Variants in KCNG3 observed in about 807,000 individuals in gnomAD.
KCNG3 encodes the protein potassium voltage-gated channel modifier subfamily G member 3, also known as voltage-gated potassium channel regulatory subunit KCNG3.
In KCNG3, 15 loss-of-function variants were observed where a neutral mutation model predicts 29.0. That is an observed-to-expected ratio of 0.52 (90% confidence interval 0.35 to 0.80). The LOEUF (loss-of-function observed/expected upper bound fraction) is 0.80. KCNG3 is among the 30% of genes least tolerant of loss of function. The pLI, the probability that KCNG3 is intolerant of heterozygous loss-of-function variation, is 0.01. For missense variants in KCNG3, 512 were observed against 605.7 expected (o/e 0.85, Z 1.62); for synonymous variants, 322 against 248.9 (o/e 1.29, Z -2.76).
At chr2:42,452,938 T>C (rs1672799100) in intron 1 of KCNG3, among the ~76,000 whole-genome samples, 1 of 152,124 alleles carries the variant, frequency 6.6e-6, no homozygotes, top group Non-Finnish European at 1.5e-5. Flanking sequence ...CATGCTACCA[T>C]GCCGGGGTAA....
chr2:42,395,585 A>T, the KCNG3 span, among the ~76,000 whole-genome samples: 4 of 152,190 alleles, frequency 2.6e-5, no homozygotes, highest in Non-Finnish European at 4.4e-5. Context: ...TTGTATGCAT[A>T]AGCACTGGTG....
At position 42,493,574 on chromosome 2, in the gene KCNG3, C is replaced by T; in HGVS notation, c.-73G>A. The T allele has an allele frequency of 1.6e-6, 2 of 1,239,882 alleles. No individual in the cohort carries two copies. The highest frequency in any genetic ancestry group is 2.0e-6 in the Non-Finnish European group (2 of 989,948). 76.8% of individuals were successfully genotyped at this position (1,239,882 alleles called of 1,614,324 possible). A position where few individuals can be genotyped will look rare whatever the true frequency, so the allele number is the denominator to read the frequency against. ...CCCACCCCAAGCCGCCACGCGGGGC[C>T]TGCCTGCCCGTGGCTGACGGGGGAG... is the stretch of plus-strand genomic sequence containing the variant. On this transcript the variant is annotated 5_prime_UTR_variant, in exon 1 of 2. Coordinates refer to ENST00000306078, the MANE Select transcript of KCNG3 (RefSeq NM_133329.6).
intron 1 of KCNG3, among the ~76,000 whole-genome samples, chr2:42,449,517 T>TC (rs1397287967): frequency 1.4e-5 from 1 of 72,806 alleles, no homozygotes; most frequent in Non-Finnish European, 2.9e-5. Flanking sequence ...GAGATTTCTT[T>TC]TTTTTTTTTT....
At chr2:42,421,286 C>T in the KCNG3 span, among the ~76,000 whole-genome samples, 8 of 152,160 alleles carry the variant, frequency 5.3e-5, no homozygotes, top group Non-Finnish European at 8.8e-5. Context: ...TATAAGGCTG[C>T]TGTTCTGGTA....
At chr2:42,463,155 C>T in intron 1 of KCNG3, 4 of 341,562 alleles carry the variant, frequency 1.2e-5, no homozygotes, top group Admixed American at 1.0e-4. Flanking sequence ...AAATTCTAAT[C>T]CTAGACCAAG....
chr2:42,477,378 C>T (rs1188372459), intron 1 of KCNG3, among the ~76,000 whole-genome samples: 2 of 47,686 alleles, frequency 4.2e-5, no homozygotes, highest in African/African-American at 2.0e-4. Flanking sequence ...TATATACACA[C>T]ACATATATAT....
At chr2:42,445,325 T>G (rs1379575712) in intron 1 of KCNG3, among the ~76,000 whole-genome samples, 36 of 152,104 alleles carry the variant, frequency 2.4e-4, no homozygotes, top group Non-Finnish European at 3.2e-4. Context: ...TGTGGACCTA[T>G]CTAAGTTTTT....
chr2:42,417,471 C>T, the KCNG3 span, among the ~76,000 whole-genome samples: 1 of 151,882 alleles, frequency 6.6e-6, no homozygotes, highest in African/African-American at 2.4e-5. Context: ...CAGGCACGCA[C>T]TAACACACTT....
the KCNG3 span, among the ~76,000 whole-genome samples, chr2:42,419,954 G>A: frequency 6.6e-6 from 1 of 152,212 alleles, no homozygotes; most frequent in Non-Finnish European, 1.5e-5. Flanking sequence ...TGGGCACGGT[G>A]GCTCATGCCT....
At chr2:42,391,595 CTTTTTTTTTT>C in the KCNG3 span, among the ~76,000 whole-genome samples, 88 of 88,114 alleles carry the variant, frequency 1.0e-3, no homozygotes, top group Middle Eastern at 0.012. Context: ...TTTTATATCT[CTTTTTTTTTT>C]TTTTTTTTTT....
chr2:42,472,728 G>A (rs1673319043), intron 1 of KCNG3, among the ~76,000 whole-genome samples: 2 of 151,384 alleles, frequency 1.3e-5, no homozygotes, highest in Non-Finnish European at 2.9e-5. Flanking sequence ...TCAAACTATT[G>A]GCCTCAGGTG....
chr2:42,403,574 G>T, the KCNG3 span, among the ~76,000 whole-genome samples: 1 of 149,048 alleles, frequency 6.7e-6, no homozygotes, highest in East Asian at 1.9e-4. Context: ...CTGCCTCCTG[G>T]GTTCAAGTGA....
At chr2:42,438,789 A>C (rs887584401), downstream of KCNG3, among the ~76,000 whole-genome samples, 1 of 152,156 alleles carries the variant, frequency 6.6e-6, no homozygotes, top group Non-Finnish European at 1.5e-5. Flanking sequence ...GACATTTCAC[A>C]AATCTATGGA....
At chr2:42,460,545 A>G (rs1672989350) in intron 1 of KCNG3, among the ~76,000 whole-genome samples, 1 of 152,214 alleles carries the variant, frequency 6.6e-6, no homozygotes. Context: ...ATGTGCATTA[A>G]GTTCAGAAGA....
chr2:42,406,815 A>G, the KCNG3 span, among the ~76,000 whole-genome samples: 10 of 119,296 alleles, frequency 8.4e-5, no homozygotes, highest in African/African-American at 2.9e-4. Context: ...TGACAGGGTG[A>G]GACTCCTTCT....
At chr2:42,426,010 C>G in the KCNG3 span, among the ~76,000 whole-genome samples, 13 of 152,304 alleles carry the variant, frequency 8.5e-5, no homozygotes, top group African/African-American at 3.1e-4. Context: ...ATTAACTATT[C>G]AAATGTTCAA....
At chr2:42,489,068 T>C (rs1234484392) in intron 1 of KCNG3, among the ~76,000 whole-genome samples, 1 of 151,578 alleles carries the variant, frequency 6.6e-6, no homozygotes, top group Non-Finnish European at 1.5e-5. Context: ...GCCAAGGTGG[T>C]AGGATTGCTT....
At chr2:42,471,519 CAAGT>C (rs1673287997) in intron 1 of KCNG3, among the ~76,000 whole-genome samples, 1 of 151,964 alleles carries the variant, frequency 6.6e-6, no homozygotes, top group South Asian at 2.1e-4. Flanking sequence ...GACTACCTAA[CAAGT>C]AGGTTTCTTT....
intron 1 of KCNG3, among the ~76,000 whole-genome samples, chr2:42,475,910 T>C (rs1156695181): frequency 2.6e-5 from 4 of 151,684 alleles, no homozygotes; most frequent in South Asian, 2.1e-4. Context: ...CTACTAAAAA[T>C]ACAAAATTAG....
Sources: allele counts gnomAD v4.1 joint callset (sites outside exome capture counted in the v4.1 genomes callset), GRCh38; gene constraint gnomAD v4.1.1; transcripts MANE v1.5; gene names NCBI Gene and HGNC (gene_info 2026-07-23, HGNC 2026-07-21).